The following NAT10 variants were observed in gnomAD, a reference collection of about 807,000 sequenced individuals.
NAT10 encodes RNA cytidine acetyltransferase.
In NAT10, 109 loss-of-function variants were observed where a neutral mutation model predicts 132.2. The observed-to-expected ratio is 0.82, with a 90% confidence interval of 0.71 to 0.97. The LOEUF (loss-of-function observed/expected upper bound fraction) is 0.97. Among genes scored for constraint, NAT10 ranks in the 50% least tolerant of loss-of-function variants. The pLI, the probability that NAT10 is intolerant of heterozygous loss-of-function variation, is 0.00. For missense variants in NAT10, 1,184 were observed against 1,263.4 expected (o/e 0.94, Z 0.95); for synonymous variants, 479 against 478.0 (o/e 1.00, Z -0.03).
At position 34,133,007 on chromosome 11, in the gene NAT10, C is replaced by T; in HGVS notation, c.1618-19C>T. 5.0e-6 allele frequency: 8 copies of T among 1,595,274 alleles called. No individual in the cohort carries two copies. The highest frequency in any genetic ancestry group is 6.9e-6 in the Non-Finnish European group (8 of 1,162,944). On this transcript the variant is annotated intron_variant, in intron 15 of 28. Coordinates refer to ENST00000257829, the MANE Select transcript of NAT10 (RefSeq NM_024662.3). ...AAGAGGAAGAGTGCTTCTCACTGAC[C>T]CGTGTTTGGCTTCCACAGAACTCTC...
chr11:34,127,380 A>G (rs1333288575), intron 11 of NAT10, 83 bp from the exon 12 acceptor site: 1 of 1,372,910 alleles, frequency 7.3e-7, no homozygotes, highest in Non-Finnish European at 1.0e-6. Context: ...AGGAAAGAGA[A>G]CATCCTTTAT....
At chr11:34,123,883 T>C (rs1851938623) in intron 10 of NAT10, 28 bp downstream of exon 10, 1 of 1,551,578 alleles carries the variant, frequency 6.4e-7, no homozygotes, top group Non-Finnish European at 8.9e-7. Flanking sequence ...AGAATTTTTA[T>C]TTTGGACCTG....
intron 25 of NAT10, among the ~76,000 whole-genome samples, 154 bp from the exon 26 acceptor site, chr11:34,141,565 C>T (rs1852332542): frequency 6.6e-6 from 1 of 152,198 alleles, no homozygotes; most frequent in Non-Finnish European, 1.5e-5. Flanking sequence ...TTCTTCAGCT[C>T]TTCCCGCTAA....
intron 28 of NAT10, among the ~76,000 whole-genome samples, chr11:34,144,686 G>A (rs573509955): frequency 6.6e-6 from 1 of 152,318 alleles, no homozygotes; most frequent in Non-Finnish European, 1.5e-5. Flanking sequence ...CTTATCTGCA[G>A]AGTGGTGCAT....
At chr11:34,131,305 C>T in intron 13 of NAT10, 76 bp from the exon 14 acceptor site, 6 of 1,519,710 alleles carry the variant, frequency 3.9e-6, no homozygotes, top group Non-Finnish European at 8.9e-7. Context: ...TAAAGTGAAA[C>T]ATTTTTCCTT....
rs1417108194 is a variant in NAT10, at chr11:34,123,751, T to A, written c.915-11T>A. On this transcript the variant is annotated splice_polypyrimidine_tract_variant and intron_variant, in intron 9 of 28. Transcript: ENST00000257829. ...ATTTCTTAAAAATCCTTCTTTTATTTTGTTCTGTAGGTACTCCAATATCTT... is the reference window on the plus strand; with the variant it reads ...ATTTCTTAAAAATCCTTCTTTTATTATGTTCTGTAGGTACTCCAATATCTT... 1.3e-6 allele frequency: 2 copies of A among 1,535,028 alleles called. No individual in the cohort carries two copies. The highest frequency in any genetic ancestry group is 2.8e-5 in the African/African-American group (2 of 72,438).
intron 28 of NAT10, 44 bp from the exon 29 acceptor site, chr11:34,146,040 G>C (rs1442150478): frequency 1.5e-6 from 2 of 1,378,978 alleles, no homozygotes; most frequent in Non-Finnish European, 2.0e-6. Flanking sequence ...CAGATGTTCA[G>C]ATCTGTACAT....
chr11:34,133,932 C>T (rs893191886), intron 16 of NAT10, among the ~76,000 whole-genome samples: 1 of 150,856 alleles, frequency 6.6e-6, no homozygotes, highest in African/African-American at 2.4e-5. Flanking sequence ...GCGGGCGGAT[C>T]ACAAGGTCAG....
intron 18 of NAT10, 61 bp downstream of exon 18, chr11:34,134,647 C>T (rs1852176572): frequency 7.1e-7 from 1 of 1,401,360 alleles, no homozygotes; most frequent in African/African-American, 1.5e-5. Context: ...GGTGGGGGTA[C>T]TTGGTGGCTG....
At chr11:34,145,144 A>C (rs1852416528) in intron 28 of NAT10, among the ~76,000 whole-genome samples, 1 of 152,208 alleles carries the variant, frequency 6.6e-6, no homozygotes, top group Non-Finnish European at 1.5e-5. Context: ...GCCGGGGAGC[A>C]TGCTTGCTGT....
chr11:34,137,145 C>A, intron 21 of NAT10, 119 bp downstream of exon 21: 2 of 1,092,964 alleles, frequency 1.8e-6, no homozygotes, highest in Non-Finnish European at 2.7e-6. Flanking sequence ...GGTGGCTGTG[C>A]CTCTGAAGAG....
chr11:34,143,498 G>T lies in NAT10; in HGVS notation c.2939G>T (p.Gly980Val). Residue 980 changes from glycine (G) to valine (V), a missense_variant, in exon 28 of 29, where the codon GGG becomes GTG. By Grantham distance (109) the Gly-to-Val change is moderately radical (BLOSUM62 -3). Transcript: ENST00000257829. Reference protein sequence around the residue: ...EEWNEVLNKAGPNASIISLKS... With the variant: ...EEWNEVLNKAVPNASIISLKS... ...TGGAATGAAGTTTTGAACAAAGCTGGGCCGAACGCCTCGATCATCAGCCTG... is the reference window on the plus strand; with the variant it reads ...TGGAATGAAGTTTTGAACAAAGCTGTGCCGAACGCCTCGATCATCAGCCTG... The T allele has an allele frequency of 6.2e-7, 1 of 1,614,096 alleles. No homozygotes were observed. Among genetic ancestry groups the T allele is most frequent in the Non-Finnish European group, 8.5e-7 (1 of 1,180,018 alleles).
At position 34,139,905 on chromosome 11, in the gene NAT10, A is replaced by G. The variant is rs559296495; in HGVS notation, c.2419+410A>G. On this transcript the variant is annotated intron_variant, in intron 23 of 28. Coordinates refer to ENST00000257829, the MANE Select transcript of NAT10 (RefSeq NM_024662.3). ...GTGCATACAGATTGTTTGAATACTT[A>G]AAAAACAAAAAATGTGTAAGAGATT... 4.6e-5 allele frequency among the ~76,000 whole-genome samples: 7 copies of G among 152,338 alleles called. No individual in the cohort carries two copies. The East Asian group carries it at 1.3e-3, about 29-fold the overall frequency.
intron 11 of NAT10, 98 bp from the exon 12 acceptor site, chr11:34,127,365 G>A: frequency 1.6e-6 from 2 of 1,288,796 alleles, no homozygotes; most frequent in Non-Finnish European, 2.2e-6. Flanking sequence ...GAAACAGGGA[G>A]AGAGAGGAAA....
chr11:34,131,634 A>AG, intron 14 of NAT10, 103 bp downstream of exon 14: 1 of 1,220,740 alleles, frequency 8.2e-7, no homozygotes, highest in Non-Finnish European at 1.1e-6. Context: ...CTCTAGAGAA[A>AG]GGGGAAAGTT....
At chr11:34,130,695 C>A in intron 12 of NAT10, 118 bp from the exon 13 acceptor site, 2 of 1,300,790 alleles carry the variant, frequency 1.5e-6, no homozygotes, top group Non-Finnish European at 2.1e-6. Flanking sequence ...ATGAGCAAGG[C>A]TGTCCTGGGG....
At chr11:34,127,800 A>T (rs901535197) in intron 12 of NAT10, among the ~76,000 whole-genome samples, 1 of 152,224 alleles carries the variant, frequency 6.6e-6, no homozygotes, top group Admixed American at 6.5e-5. Flanking sequence ...CTGGCCCGAC[A>T]TGAAATGGGC....
In NAT10 at chr11:34,141,825, C is replaced by T; in HGVS notation, c.2811+8C>T. On this transcript the variant is annotated splice_region_variant and intron_variant, in intron 26 of 28. Transcript: ENST00000257829. ...ACCCTCAGTGACGACCTAGTATGTC[C>T]CTGCTCATGGCCTCGGGAGTCCCAG... The T allele has an allele frequency of 1.2e-6, 2 of 1,610,678 alleles. No individual in the cohort carries two copies. Among genetic ancestry groups the T allele is most frequent in the South Asian group, 1.1e-5 (1 of 90,938 alleles).
intron 23 of NAT10, among the ~76,000 whole-genome samples, 188 bp from the exon 24 acceptor site, chr11:34,140,212 C>T (rs1478616418): frequency 6.6e-6 from 1 of 152,242 alleles, no homozygotes; most frequent in Non-Finnish European, 1.5e-5. Context: ...CCCCTCCCCA[C>T]ACGTGGCCTG....
Sources: gnomAD v4.1 joint callset for allele counts (sites outside exome capture counted in the v4.1 genomes callset) on GRCh38, gnomAD v4.1.1 for gene constraint, MANE v1.5 for transcripts, NCBI Gene and HGNC (gene_info 2026-07-23, HGNC 2026-07-21) for gene names.